The following PGCKA1 variants were observed in gnomAD, a reference collection of about 807,000 sequenced individuals.
The protein encoded by PGCKA1 is PDCD10 and GCKIII kinases-associated protein 1.
At chr4:37,511,542 CG>C in the PGCKA1 span, among the ~76,000 whole-genome samples, 10 of 151,670 alleles carry the variant, frequency 6.6e-5, no homozygotes, top group Admixed American at 6.6e-4. Context: ...ATGACCAGTA[CG>C]CTATCATACT....
the PGCKA1 span, among the ~76,000 whole-genome samples, chr4:37,531,493 A>C: frequency 1.1e-3 from 169 of 152,248 alleles, no homozygotes; most frequent in Non-Finnish European, 2.1e-3. Flanking sequence ...CTTTTGTCAG[A>C]GCCAGCCAGG....
the PGCKA1 span, among the ~76,000 whole-genome samples, chr4:37,548,197 CA>C: frequency 6.6e-6 from 1 of 151,826 alleles, no homozygotes; most frequent in African/African-American, 2.4e-5. Flanking sequence ...AAAAGTTATG[CA>C]AAAAATGTTG....
chr4:37,481,477 AAAAAAAAAAAAAAAAAAAAAAAAG>A, the PGCKA1 span, among the ~76,000 whole-genome samples: 1 of 45,816 alleles, frequency 2.2e-5, no homozygotes, highest in Non-Finnish European at 7.5e-5. Context: ...AAAAAAAAAA[AAAAAAAAAAAAAAAAAAAAAAAAG>A]AAGTCCAAGA....
chr4:37,547,965 A>G, the PGCKA1 span, among the ~76,000 whole-genome samples: 31 of 149,002 alleles, frequency 2.1e-4, 2 homozygotes, highest in Admixed American at 1.9e-3. Context: ...AGACACAAAG[A>G]AAGTTCTCTT....
the PGCKA1 span, among the ~76,000 whole-genome samples, chr4:37,571,900 G>A: frequency 1.3e-5 from 2 of 151,906 alleles, no homozygotes; most frequent in African/African-American, 4.8e-5. Context: ...CCAAAGTGCT[G>A]GGATTACTGA....
chr4:37,577,082 G>A, the PGCKA1 span, among the ~76,000 whole-genome samples: 7 of 152,034 alleles, frequency 4.6e-5, no homozygotes, highest in Non-Finnish European at 8.8e-5. Flanking sequence ...TGGTATCAGG[G>A]TAATACTAGC....
the PGCKA1 span, among the ~76,000 whole-genome samples, chr4:37,540,624 A>T: frequency 6.6e-6 from 1 of 152,206 alleles, no homozygotes; most frequent in East Asian, 1.9e-4. Context: ...CTCTGACAAC[A>T]AAGAGCCCCT....
the PGCKA1 span, among the ~76,000 whole-genome samples, chr4:37,549,915 G>A: frequency 5.9e-5 from 9 of 152,166 alleles, no homozygotes; most frequent in Admixed American, 2.0e-4. Flanking sequence ...GAAACTCATC[G>A]TGGGACTTAT....
chr4:37,583,955 C>A, the PGCKA1 span, among the ~76,000 whole-genome samples: 17,664 of 152,152 alleles, frequency 0.12, 2,790 homozygotes, highest in African/African-American at 0.35. Context: ...GCAAGGAAGA[C>A]AGCTGATAGA....
the PGCKA1 span, among the ~76,000 whole-genome samples, chr4:37,496,929 A>T: frequency 6.6e-6 from 1 of 151,752 alleles, no homozygotes; most frequent in Non-Finnish European, 1.5e-5. Flanking sequence ...AATACTAGTG[A>T]TTTTTTTTAT....
the PGCKA1 span, among the ~76,000 whole-genome samples, chr4:37,515,246 C>G: frequency 1.3e-5 from 2 of 151,666 alleles, no homozygotes; most frequent in African/African-American, 4.9e-5. Flanking sequence ...GGTTTCAGAA[C>G]CCAACCATAC....
the PGCKA1 span, among the ~76,000 whole-genome samples, chr4:37,515,974 C>T: frequency 6.6e-6 from 1 of 150,604 alleles, no homozygotes; most frequent in Admixed American, 6.6e-5. Flanking sequence ...ACCATGATAC[C>T]TCTATACTTT....
the PGCKA1 span, among the ~76,000 whole-genome samples, chr4:37,560,965 C>T: frequency 6.6e-6 from 1 of 152,038 alleles, no homozygotes; most frequent in Non-Finnish European, 1.5e-5. Flanking sequence ...TCATCTTTTC[C>T]ATCTCAGCCA....
the PGCKA1 span, among the ~76,000 whole-genome samples, chr4:37,484,750 C>T: frequency 3.3e-5 from 5 of 152,212 alleles, no homozygotes; most frequent in Admixed American, 2.6e-4. Flanking sequence ...TAGCTAGCCC[C>T]TTCCACCATG....
At chr4:37,464,639 G>A in the PGCKA1 span, among the ~76,000 whole-genome samples, 5 of 152,240 alleles carry the variant, frequency 3.3e-5, no homozygotes, top group South Asian at 2.1e-4. Flanking sequence ...GGCTCCCCTC[G>A]TCTTGACCTT....
the PGCKA1 span, among the ~76,000 whole-genome samples, chr4:37,480,361 C>A: frequency 1.3e-5 from 2 of 152,186 alleles, no homozygotes; most frequent in African/African-American, 4.8e-5. Context: ...GGTATGCTGG[C>A]ACGTGCCTGT....
chr4:37,567,441 C>T, the PGCKA1 span, among the ~76,000 whole-genome samples: 226 of 152,300 alleles, frequency 1.5e-3, no homozygotes, highest in African/African-American at 5.3e-3. Flanking sequence ...CTGTAACTAT[C>T]ATCATTCGCG....
the PGCKA1 span, among the ~76,000 whole-genome samples, chr4:37,547,355 T>C: frequency 6.6e-6 from 1 of 152,208 alleles, no homozygotes; most frequent in African/African-American, 2.4e-5. Context: ...CAAAAGTGTG[T>C]GTGTGCCCTT....
At chr4:37,585,003 C>CT in the PGCKA1 span, among the ~76,000 whole-genome samples, 7 of 90,532 alleles carry the variant, frequency 7.7e-5, no homozygotes, top group African/African-American at 3.7e-4. Flanking sequence ...TTTTCTTTGA[C>CT]TTGTTTTTTT....
Sources: allele counts gnomAD v4.1 joint callset (sites outside exome capture counted in the v4.1 genomes callset), GRCh38; gene constraint gnomAD v4.1.1; transcripts MANE v1.5; gene names NCBI Gene and HGNC (gene_info 2026-07-23, HGNC 2026-07-21).